IMPG1: variants seen among roughly 807,000 people sequenced by gnomAD.
IMPG1 encodes interphotoreceptor matrix proteoglycan of 150 kDa.
A neutral mutation model predicts 92.0 loss-of-function variants in IMPG1; 85 were observed. The observed-to-expected ratio is 0.92, with a 90% CI of 0.78 to 1.11. The LOEUF (loss-of-function observed/expected upper bound fraction) is 1.11, where lower values mean the gene tolerates loss of function less well. Ranked by LOEUF, IMPG1 falls within the 50% of genes least tolerant of loss-of-function variation. The pLI is 0.00. For synonymous variants in IMPG1, 367 were observed against 334.1 expected (o/e 1.10, Z -1.08); for missense variants, 1,022 against 956.0 (o/e 1.07, Z -0.91).
intron 14 of IMPG1, among the ~76,000 whole-genome samples, chr6:75,946,147 T>G (rs1027513763): frequency 6.6e-6 from 1 of 152,192 alleles, no homozygotes; most frequent in South Asian, 2.1e-4. Flanking sequence ...ATTTAGGAGG[T>G]GTTTGATTTC....
intron 10 of IMPG1, 106 bp downstream of exon 10, chr6:76,005,181 C>G (rs1219977668): frequency 9.0e-7 from 1 of 1,114,016 alleles, no homozygotes; most frequent in African/African-American, 1.6e-5. Flanking sequence ...CAGTAATGAT[C>G]GACTTTAGAA....
chr6:75,957,563 G>T (rs1300979490), intron 12 of IMPG1, among the ~76,000 whole-genome samples: 1 of 152,160 alleles, frequency 6.6e-6, no homozygotes, highest in African/African-American at 2.4e-5. Context: ...CAGGCCCTAA[G>T]AACCTGCTCT....
At chr6:76,026,694 C>T (rs535458694) in intron 4 of IMPG1, among the ~76,000 whole-genome samples, 1 of 152,326 alleles carries the variant, frequency 6.6e-6, no homozygotes, top group East Asian at 1.9e-4. Flanking sequence ...GGTTCTTCCC[C>T]AGGCATTTTT....
At chr6:76,060,173 G>T (rs193238289) in intron 1 of IMPG1, among the ~76,000 whole-genome samples, 41 of 152,288 alleles carry the variant, frequency 2.7e-4, no homozygotes, top group African/African-American at 9.1e-4. Context: ...AATGAAGTCG[G>T]AATGAATTAA....
intron 1 of IMPG1, among the ~76,000 whole-genome samples, chr6:76,065,470 G>A (rs186982027): frequency 3.5e-4 from 53 of 152,170 alleles, no homozygotes; most frequent in African/African-American, 1.2e-3. Flanking sequence ...CAATAGACTA[G>A]ACCAAGTGAA....
chr6:76,033,178 C>G (rs1448486711), intron 4 of IMPG1, among the ~76,000 whole-genome samples: 8 of 152,132 alleles, frequency 5.3e-5, no homozygotes, highest in Admixed American at 2.6e-4. Context: ...AACAGTCAGG[C>G]AGGAACTGAG....
rs542991633 is a variant in IMPG1 at position 75,998,718 on chromosome 6, G to A, written c.1291+4200C>T. ...TCAACTAAAAGAGAAATGTATTGCC[G>A]CCTACACGTCTAAACCAAACCAAAC... On this transcript the variant is annotated intron_variant, in intron 12 of 16. Coordinates refer to ENST00000369950, the MANE Select transcript of IMPG1 (RefSeq NM_001563.4). 1.2e-4 allele frequency among the ~76,000 whole-genome samples: 19 copies of A among 152,218 alleles called. No individual in the cohort carries two copies. The East Asian group carries it at 2.7e-3, about 22-fold the overall frequency.
chr6:75,989,699 TG>T (rs1299275430), intron 12 of IMPG1, among the ~76,000 whole-genome samples: 1 of 151,964 alleles, frequency 6.6e-6, no homozygotes, highest in African/African-American at 2.4e-5. Flanking sequence ...AAAAATGAGC[TG>T]GGTGTGGTGG....
chr6:75,962,104 A>T (rs913719017), intron 12 of IMPG1, among the ~76,000 whole-genome samples: 4 of 147,752 alleles, frequency 2.7e-5, no homozygotes, highest in Admixed American at 6.9e-5. Flanking sequence ...AATTGTACCA[A>T]TTTTTAAAAG....
rs1339441760 is a variant in IMPG1 at position 75,950,608 on chromosome 6, T to C, written c.1778A>G (p.Lys593Arg). 9.9e-6 allele frequency: 16 copies of C among 1,613,564 alleles called. No individual in the cohort carries two copies. The highest frequency in any genetic ancestry group is 1.6e-4 in the Middle Eastern group (1 of 6,072). The change falls in exon 13 of 17, where the codon AAG becomes AGG. Residue 593 changes from lysine to arginine, a missense_variant. Lys to Arg is a conservative substitution (Grantham distance 26). Coordinates refer to ENST00000369950, the MANE Select transcript of IMPG1 (RefSeq NM_001563.4). ...CAGAGCTCGGTACTCCAGAGAGCTCTTGTTGAACAGGTCGTTGGAGAAGGC... is the reference window on the plus strand; with the variant it reads ...CAGAGCTCGGTACTCCAGAGAGCTCCTGTTGAACAGGTCGTTGGAGAAGGC... ...NMAFSNDLFNKSSLEYRALEQ... is the reference protein window; with the variant it reads ...NMAFSNDLFNRSSLEYRALEQ...
chr6:76,065,653 A>G (rs2127598584), intron 1 of IMPG1, among the ~76,000 whole-genome samples: 1 of 152,264 alleles, frequency 6.6e-6, no homozygotes, highest in Admixed American at 6.5e-5. Context: ...ATTGGAAAAT[A>G]TAATTTAGGA....
intron 6 of IMPG1, among the ~76,000 whole-genome samples, chr6:76,019,484 A>C (rs1383713840): frequency 1.3e-5 from 2 of 152,228 alleles, no homozygotes; most frequent in Non-Finnish European, 2.9e-5. Context: ...GAGAACAGTT[A>C]ATGGAAATTG....
At chr6:75,977,898 A>G (rs1330235455) in intron 12 of IMPG1, among the ~76,000 whole-genome samples, 2 of 152,064 alleles carry the variant, frequency 1.3e-5, no homozygotes, top group Non-Finnish European at 2.9e-5. Flanking sequence ...TATACCTTAA[A>G]AAGTGCTTCC....
At chr6:76,067,153 C>T (rs1406904296) in intron 1 of IMPG1, among the ~76,000 whole-genome samples, 1 of 151,694 alleles carries the variant, frequency 6.6e-6, no homozygotes, top group East Asian at 1.9e-4. Flanking sequence ...AAACAAATCA[C>T]ACCCAAAGGT....
At chr6:75,978,224 T>A (rs1782570961) in intron 12 of IMPG1, among the ~76,000 whole-genome samples, 1 of 152,204 alleles carries the variant, frequency 6.6e-6, no homozygotes, top group African/African-American at 2.4e-5. Context: ...TTTCTTTGGC[T>A]TTTTGTCTTG....
At chr6:76,037,679 A>T (rs138853798) in intron 2 of IMPG1, among the ~76,000 whole-genome samples, 1 of 152,350 alleles carries the variant, frequency 6.6e-6, no homozygotes, top group African/African-American at 2.4e-5. Flanking sequence ...CTTCTTTCTT[A>T]CATATTCCAC....
chr6:76,019,922 T>G (rs549308419), intron 6 of IMPG1, among the ~76,000 whole-genome samples: 35 of 152,306 alleles, frequency 2.3e-4, no homozygotes, highest in African/African-American at 8.2e-4. Flanking sequence ...AGAAAAGAGA[T>G]GAGAGATGAG....
chr6:76,035,391 T>TG (rs1343937118), intron 2 of IMPG1, among the ~76,000 whole-genome samples: 1 of 148,118 alleles, frequency 6.8e-6, no homozygotes, highest in Admixed American at 6.8e-5. Flanking sequence ...CCCAGCTACT[T>TG]GGGGGGCTGA....
At chr6:76,046,185 A>G (rs1405302581) in intron 1 of IMPG1, among the ~76,000 whole-genome samples, 1 of 152,208 alleles carries the variant, frequency 6.6e-6, no homozygotes, top group Non-Finnish European at 1.5e-5. Context: ...TATAGCAAAC[A>G]CCAAGCTACA....
Sources: allele counts gnomAD v4.1 joint callset (sites outside exome capture counted in the v4.1 genomes callset), GRCh38; gene constraint gnomAD v4.1.1; transcripts MANE v1.5; gene names NCBI Gene and HGNC (gene_info 2026-07-23, HGNC 2026-07-21).